The following ABCD3 variants were observed in gnomAD, a reference collection of about 807,000 sequenced individuals.
The protein encoded by ABCD3 is ATP-binding cassette sub-family D member 3.
In ABCD3, 41 loss-of-function variants were observed where a neutral mutation model predicts 105.5. The ratio of observed to expected loss-of-function variants is 0.39; its 90% CI spans 0.30 to 0.50. The LOEUF (loss-of-function observed/expected upper bound fraction) is 0.50, where lower values mean the gene tolerates loss of function less well. ABCD3 is among the 20% of genes least tolerant of loss of function. ABCD3 has a pLI of 0.84. For missense variants in ABCD3, 622 were observed against 806.3 expected, an observed-to-expected ratio of 0.77 and a Z score of 2.77; for synonymous variants, 258 against 269.0, an observed-to-expected ratio of 0.96 and a Z score of 0.40.
At position 94,509,797 on chromosome 1, in the gene ABCD3, C is replaced by T. The variant is rs189107815; in HGVS notation, c.1845+3155C>T. On this transcript the variant is annotated intron_variant, in intron 21 of 22. Coordinates refer to ENST00000370214, the MANE Select transcript of ABCD3 (RefSeq NM_002858.4). ...GCGTAGAGGTGTTTGTAGTATTCTC[C>T]GATGGTAGTTTGTATTTTTGTGGGA... Among the ~76,000 whole-genome samples the T allele has an allele frequency of 1.5e-4, 23 of 152,042 alleles. 2 individuals carry two copies. Among genetic ancestry groups the T allele is most frequent in the South Asian group, 6.2e-4 (3 of 4,816 alleles).
chr1:94,390,286 A>AT, the ABCD3 span, among the ~76,000 whole-genome samples: 5 of 151,688 alleles, frequency 3.3e-5, no homozygotes, highest in Admixed American at 6.6e-5. Context: ...GCACTTATTA[A>AT]TTTTTTTTAT....
intron 1 of ABCD3, among the ~76,000 whole-genome samples, chr1:94,421,491 A>G (rs1439871290): frequency 1.3e-5 from 2 of 152,022 alleles, no homozygotes; most frequent in Admixed American, 1.3e-4. Context: ...CTTTTTACTC[A>G]TGGATAAAGA....
chr1:94,516,905 TG>T, intron 22 of ABCD3, 146 bp from the exon 23 acceptor site: 1 of 685,024 alleles, frequency 1.5e-6, no homozygotes, highest in Non-Finnish European at 2.7e-6. Flanking sequence ...TCCTTGGTCA[TG>T]GAGTTACGGA....
the ABCD3 span, among the ~76,000 whole-genome samples, chr1:94,400,170 G>T: frequency 6.6e-6 from 1 of 152,192 alleles, no homozygotes; most frequent in Non-Finnish European, 1.5e-5. Flanking sequence ...CACTTTGAGA[G>T]GACAAGGCGG....
intron 2 of ABCD3, among the ~76,000 whole-genome samples, chr1:94,460,303 A>C (rs1321848251): frequency 2.6e-5 from 4 of 152,132 alleles, no homozygotes; most frequent in Non-Finnish European, 4.4e-5. Flanking sequence ...CTACAAATTT[A>C]ATTTGCCTTT....
intron 10 of ABCD3, among the ~76,000 whole-genome samples, chr1:94,484,951 G>T (rs1649213654): frequency 6.6e-6 from 1 of 152,150 alleles, no homozygotes; most frequent in African/African-American, 2.4e-5. Flanking sequence ...GGGCAAGATA[G>T]TATGTATATA....
At chr1:94,401,271 C>T in the ABCD3 span, among the ~76,000 whole-genome samples, 5 of 152,342 alleles carry the variant, frequency 3.3e-5, no homozygotes, top group Non-Finnish European at 7.3e-5. Context: ...CCTGGTCGAA[C>T]CTGCTAGCAT....
the ABCD3 span, among the ~76,000 whole-genome samples, chr1:94,390,085 C>G: frequency 2.6e-5 from 4 of 152,086 alleles, no homozygotes; most frequent in Non-Finnish European, 5.9e-5. Flanking sequence ...AGAGCAAACT[C>G]ACCAGATCAA....
At chr1:94,473,455 T>G (rs149638782) in intron 4 of ABCD3, among the ~76,000 whole-genome samples, 227 of 152,264 alleles carry the variant, frequency 1.5e-3, no homozygotes, top group African/African-American at 5.3e-3. Context: ...AGTTGTTAAT[T>G]GTTATGCTAG....
At chr1:94,503,903 ATTC>A (rs1350203679) in intron 20 of ABCD3, among the ~76,000 whole-genome samples, 3 of 92,306 alleles carry the variant, frequency 3.3e-5, no homozygotes, top group Non-Finnish European at 4.5e-5. Flanking sequence ...GGTACAAGTG[ATTC>A]TTTTTTTTTT....
intron 16 of ABCD3, among the ~76,000 whole-genome samples, chr1:94,495,571 AT>A: frequency 6.6e-6 from 1 of 152,336 alleles, no homozygotes; most frequent in East Asian, 1.9e-4. Context: ...GCCAGGCTTG[AT>A]TTAGAGCATA....
rs747584340 is a variant in ABCD3, at chr1:94,418,443, G to GCCGCCGCCGCCGCCGCCGCCGCCGC, written c.-35_-34insCGCCGCCGCCGCCGCCGCCGCCGCC. The GCCGCCGCCGCCGCCGCCGCCGCCGC allele has an allele frequency of 6.5e-7, 1 of 1,549,476 alleles. No individual in the cohort carries two copies. Among genetic ancestry groups the GCCGCCGCCGCCGCCGCCGCCGCCGC allele is most frequent in the Non-Finnish European group, 8.7e-7 (1 of 1,146,446 alleles). ...GGTAGCCGCCGCCGCCGCCGCCGCC[G>GCCGCCGCCGCCGCCGCCGCCGCCGC]CGTCCCCTCGCCGGCTCGCTGGTAC... On this transcript the variant is annotated 5_prime_UTR_variant, in exon 1 of 23. Transcript: ENST00000370214.
intron 20 of ABCD3, among the ~76,000 whole-genome samples, chr1:94,505,813 T>TG (rs1200040124): frequency 1.3e-5 from 2 of 152,134 alleles, no homozygotes; most frequent in African/African-American, 4.8e-5. Context: ...AAGAGAATGT[T>TG]GCAGAGAAGG....
rs549883988 is a variant in ABCD3, at chr1:94,419,366, C to T, written c.110+778C>T. On this transcript the variant is annotated intron_variant, in intron 1 of 22. Transcript: ENST00000370214. ...TTTTAATGACACGCCACTGCTTCCA[C>T]CGCGGGAGAATTTCAGTGCTTAGAT... 7.7e-5 allele frequency: 76 copies of T among 984,986 alleles called. 1 individual carries two copies. In the South Asian group the frequency reaches 2.4e-3, roughly 30 times the overall value. The allele number at this position is 984,986 out of a possible 1,614,324, so 61.0% of individuals were successfully genotyped here.
At chr1:94,397,873 A>G in the ABCD3 span, among the ~76,000 whole-genome samples, 1 of 152,130 alleles carries the variant, frequency 6.6e-6, no homozygotes, top group Non-Finnish European at 1.5e-5. Flanking sequence ...CTATGCTACC[A>G]TTCTGTTTCT....
At chr1:94,507,089 A>G (rs1420365742) in intron 21 of ABCD3, among the ~76,000 whole-genome samples, 1 of 152,062 alleles carries the variant, frequency 6.6e-6, no homozygotes. Flanking sequence ...CGCTGCACCC[A>G]CTAACTCATC....
intron 1 of ABCD3, among the ~76,000 whole-genome samples, chr1:94,433,732 C>T (rs908765923): frequency 6.6e-6 from 1 of 150,796 alleles, no homozygotes; most frequent in South Asian, 2.1e-4. Flanking sequence ...CTGCAACCTC[C>T]GCCTCCCAGG....
chr1:94,495,763 C>T (rs1429114826), intron 16 of ABCD3, among the ~76,000 whole-genome samples: 1 of 152,094 alleles, frequency 6.6e-6, no homozygotes, highest in African/African-American at 2.4e-5. Flanking sequence ...TATATACGGC[C>T]AACATTACTC....
intron 1 of ABCD3, among the ~76,000 whole-genome samples, chr1:94,422,896 C>G (rs1369554044): frequency 6.6e-6 from 1 of 152,188 alleles, no homozygotes; most frequent in Non-Finnish European, 1.5e-5. Flanking sequence ...AAAAACAGAA[C>G]AGAACAAAGC....
Sources: gnomAD v4.1 joint callset for allele counts (sites outside exome capture counted in the v4.1 genomes callset) on GRCh38, gnomAD v4.1.1 for gene constraint, MANE v1.5 for transcripts, NCBI Gene and HGNC (gene_info 2026-07-23, HGNC 2026-07-21) for gene names.